The following DOK6 variants were observed in gnomAD, a reference collection of about 807,000 sequenced individuals.
DOK6 encodes docking protein 6, also known as downstream of tyrosine kinase 6.
DOK6 carries 22 observed loss-of-function variants against 44.0 expected under a neutral mutation model. The observed-to-expected ratio is 0.50, with a 90% CI of 0.36 to 0.71. The LOEUF (loss-of-function observed/expected upper bound fraction) is 0.71, where lower values mean the gene tolerates loss of function less well. DOK6 is among the 30% of genes least tolerant of loss of function. The pLI is 0.00. For missense variants in DOK6, 340 were observed against 416.4 expected, an observed-to-expected ratio of 0.82 and a Z score of 1.60; for synonymous variants, 166 against 145.5, an observed-to-expected ratio of 1.14 and a Z score of -1.01.
chr18:69,836,857 G>A lies in DOK6; in HGVS notation c.857-4387G>A, dbSNP rs550509893. 2.6e-5 allele frequency among the ~76,000 whole-genome samples: 4 copies of A among 152,096 alleles called. No homozygotes were observed. In the South Asian group the frequency reaches 8.3e-4, roughly 32 times the overall value. On this transcript the variant is annotated intron_variant, in intron 7 of 7. Coordinates refer to ENST00000382713, the MANE Select transcript of DOK6 (RefSeq NM_152721.6). Reference sequence around the variant, plus strand: ...TAGGGGCATAATTCAAATGAACATTGAAAAAATGCTTAATTATTTCTTTTT... The same window carrying A: ...TAGGGGCATAATTCAAATGAACATTAAAAAAATGCTTAATTATTTCTTTTT...
intron 1 of DOK6, among the ~76,000 whole-genome samples, chr18:69,497,323 C>T (rs1369041174): frequency 6.6e-6 from 1 of 152,200 alleles, no homozygotes; most frequent in Non-Finnish European, 1.5e-5. Flanking sequence ...AAGGGTCAGA[C>T]TAGAGAAAGA....
chr18:69,661,913 A>T (rs1985537372), intron 3 of DOK6: 1 of 152,124 alleles, frequency 6.6e-6, no homozygotes, highest in South Asian at 2.1e-4. Flanking sequence ...AGGTGTGTCC[A>T]CTCTGAAAAG....
chr18:69,575,888 A>G (rs994814073), intron 2 of DOK6, among the ~76,000 whole-genome samples: 17 of 152,112 alleles, frequency 1.1e-4, no homozygotes, highest in African/African-American at 3.9e-4. Context: ...CAATGTCACC[A>G]TAGGGATCAG....
chr18:69,746,863 G>A (rs1439789055), intron 6 of DOK6, among the ~76,000 whole-genome samples: 1 of 152,140 alleles, frequency 6.6e-6, no homozygotes, highest in East Asian at 1.9e-4. Flanking sequence ...ACAGGCACTC[G>A]CATTCCTGCT....
At chr18:69,793,191 T>C (rs1469459592) in intron 7 of DOK6, among the ~76,000 whole-genome samples, 3 of 152,198 alleles carry the variant, frequency 2.0e-5, no homozygotes, top group Non-Finnish European at 2.9e-5. Flanking sequence ...TATAGTTTTC[T>C]GGTGAGTTTT....
At chr18:69,464,817 A>G (rs930036374) in intron 1 of DOK6, among the ~76,000 whole-genome samples, 1 of 152,224 alleles carries the variant, frequency 6.6e-6, no homozygotes, top group Non-Finnish European at 1.5e-5. Context: ...AGTCTAGGAA[A>G]GTATTGGCAG....
chr18:69,498,022 T>C (rs931862129), intron 1 of DOK6, among the ~76,000 whole-genome samples: 9 of 151,610 alleles, frequency 5.9e-5, no homozygotes, highest in Admixed American at 5.9e-4. Context: ...AGACAAATAA[T>C]ATTAAGCTTA....
intron 3 of DOK6, among the ~76,000 whole-genome samples, chr18:69,642,727 T>C (rs528747293): frequency 6.6e-6 from 1 of 152,334 alleles, no homozygotes; most frequent in African/African-American, 2.4e-5. Flanking sequence ...TCTACATGTA[T>C]CTGTTTCTCA....
chr18:69,702,104 A>T (rs1986533718), intron 5 of DOK6, among the ~76,000 whole-genome samples: 1 of 150,134 alleles, frequency 6.7e-6, no homozygotes, highest in East Asian at 1.9e-4. Context: ...TTCTGTACTA[A>T]CCCAGAGTTA....
At chr18:69,474,789 A>G (rs1221910509) in intron 1 of DOK6, among the ~76,000 whole-genome samples, 1 of 152,244 alleles carries the variant, frequency 6.6e-6, no homozygotes, top group Non-Finnish European at 1.5e-5. Flanking sequence ...TGTCAAAACA[A>G]AAATGAATTC....
intron 5 of DOK6, among the ~76,000 whole-genome samples, chr18:69,723,120 G>A (rs924060115): frequency 3.9e-5 from 6 of 152,052 alleles, no homozygotes; most frequent in Non-Finnish European, 8.8e-5. Flanking sequence ...ATAGGTATAG[G>A]AATGGGTTAT....
At chr18:69,624,361 T>C (rs2144640747) in intron 3 of DOK6, among the ~76,000 whole-genome samples, 1 of 152,282 alleles carries the variant, frequency 6.6e-6, no homozygotes, top group Non-Finnish European at 1.5e-5. Context: ...TAGCAAAATT[T>C]TGCAGCCACT....
chr18:69,814,432 C>T (rs988738320), intron 7 of DOK6, among the ~76,000 whole-genome samples: 1 of 152,098 alleles, frequency 6.6e-6, no homozygotes, highest in African/African-American at 2.4e-5. Context: ...GAGACAGTGA[C>T]AGATCATCAG....
intron 1 of DOK6, among the ~76,000 whole-genome samples, chr18:69,561,024 C>T (rs752996641): frequency 6.6e-6 from 1 of 152,128 alleles, no homozygotes; most frequent in Non-Finnish European, 1.5e-5. Flanking sequence ...TTGTATATCA[C>T]TAGGAAAAAA....
chr18:69,545,273 G>C (rs1463223885), intron 1 of DOK6, among the ~76,000 whole-genome samples: 1 of 150,726 alleles, frequency 6.6e-6, no homozygotes, highest in Non-Finnish European at 1.5e-5. Flanking sequence ...TCCTTCCAGT[G>C]TTGTGATTGT....
chr18:69,764,318 C>G (rs1979652258), intron 7 of DOK6, among the ~76,000 whole-genome samples: 1 of 152,132 alleles, frequency 6.6e-6, no homozygotes, highest in African/African-American at 2.4e-5. Context: ...GATGACTAAA[C>G]TTTCTCTGAT....
chr18:69,689,506 T>C (rs1599264504), intron 4 of DOK6, among the ~76,000 whole-genome samples: 1 of 152,338 alleles, frequency 6.6e-6, no homozygotes, highest in East Asian at 1.9e-4. Context: ...TAATTTTTGA[T>C]AAATCTGGCA....
At chr18:69,612,319 A>G (rs1216447616) in intron 3 of DOK6, among the ~76,000 whole-genome samples, 5 of 102,476 alleles carry the variant, frequency 4.9e-5, no homozygotes, top group African/African-American at 1.9e-4. Flanking sequence ...ATATGCTAAA[A>G]AGAAACTAAC....
intron 6 of DOK6, among the ~76,000 whole-genome samples, chr18:69,754,552 C>T (rs1979293902): frequency 6.6e-6 from 1 of 152,102 alleles, no homozygotes; most frequent in Non-Finnish European, 1.5e-5. Flanking sequence ...TAACAAAATA[C>T]CACAAACTGG....
Sources: gnomAD v4.1 joint callset for allele counts (sites outside exome capture counted in the v4.1 genomes callset) on GRCh38, gnomAD v4.1.1 for gene constraint, MANE v1.5 for transcripts, NCBI Gene and HGNC (gene_info 2026-07-23, HGNC 2026-07-21) for gene names.